Variants in HERC1 observed in about 807,000 individuals in gnomAD.
HERC1 encodes the protein HECT and RLD domain containing E3 ubiquitin protein ligase family member 1.
In HERC1, 160 loss-of-function variants were observed where a neutral mutation model predicts 554.3. The ratio of observed to expected loss-of-function variants is 0.29; its 90% confidence interval spans 0.25 to 0.33. The LOEUF (loss-of-function observed/expected upper bound fraction) is 0.33, where lower values mean the gene tolerates loss of function less well. Among genes scored for constraint, HERC1 ranks in the 10% least tolerant of loss-of-function variants. The pLI is 1.00. For synonymous variants in HERC1, 2,175 were observed against 2,131.7 expected, an observed-to-expected ratio of 1.02 and a Z score of -0.56; for missense variants, 4,919 against 5,918.5, an observed-to-expected ratio of 0.83 and a Z score of 5.54.
chr15:63,750,682 A>G, intron 8 of HERC1, among the ~76,000 whole-genome samples: 1 of 152,242 alleles, frequency 6.6e-6, no homozygotes, highest in East Asian at 1.9e-4. Context: ...CTGTAATCCC[A>G]GCACGTTGGG....
At chr15:63,708,092 G>A (rs1328511117) in intron 24 of HERC1, among the ~76,000 whole-genome samples, 2 of 151,948 alleles carry the variant, frequency 1.3e-5, no homozygotes, top group Admixed American at 6.6e-5. Context: ...ACAGAAATAA[G>A]TATTATATAT....
At chr15:63,642,846 T>C (rs1258744082) in intron 59 of HERC1, 111 bp downstream of exon 59, 2 of 689,284 alleles carry the variant, frequency 2.9e-6, no homozygotes, top group Non-Finnish European at 5.3e-6. Context: ...GGACAAGTAG[T>C]AATCCCTCTG....
chr15:63,775,263 A>G lies in HERC1; in HGVS notation c.361T>C (p.Tyr121His). 1 of 1,614,020 alleles carries G rather than the reference A, an allele frequency of 6.2e-7. No individual in the cohort carries two copies. Among genetic ancestry groups the G allele is most frequent in the South Asian group, 1.1e-5 (1 of 91,080 alleles). Residue 121 changes from tyrosine (Y) to histidine (H), a missense_variant, in exon 2 of 78, where the codon TAC becomes CAC. Coordinates refer to ENST00000443617, the MANE Select transcript of HERC1 (RefSeq NM_003922.4). The surrounding 1 kb of genome is among the most constrained non-coding windows in gnomAD (Gnocchi z 4.0). ...QRVFYALSNK[Y>H]HDKGKVKQQQ... ...TGCTTCACCTTGCCTTTGTCATGGT[A>G]TTTATTAGAAAGTGCATAAAAGACA...
Position 63,623,025 on chromosome 15 carries a change from T to C in HERC1, c.13612-134A>G, listed in dbSNP as rs148367628. The C allele has an allele frequency of 3.0e-3, 1,789 of 605,166 alleles. 23 individuals are homozygous for C. The highest frequency in any genetic ancestry group is 0.028 in the African/African-American group (1,488 of 52,902). 37.5% of individuals were successfully genotyped at this position (605,166 alleles called of 1,614,324 possible). A position where few individuals can be genotyped will look rare whatever the true frequency, so the allele number is the denominator to read the frequency against. ...TGCCATGTGACAACCAACAATTTCA[T>C]ACTTTATTTTTGTGGTTTCAATTTA... On this transcript the variant is annotated intron_variant, in intron 73 of 77. Coordinates refer to ENST00000443617, the MANE Select transcript of HERC1 (RefSeq NM_003922.4).
At chr15:63,673,165 C>T (rs1398963707) in intron 38 of HERC1, among the ~76,000 whole-genome samples, 1 of 152,042 alleles carries the variant, frequency 6.6e-6, no homozygotes, top group Non-Finnish European at 1.5e-5. Context: ...AGGACAATTT[C>T]ATTAAAAAAC....
chr15:63,831,886 T>C lies in HERC1; in HGVS notation c.-27+1941A>G, dbSNP rs75651205. Among the ~76,000 whole-genome samples, 26 of 152,306 alleles carry C rather than the reference T, an allele frequency of 1.7e-4. No homozygotes were observed. In the East Asian group the frequency reaches 5.0e-3, roughly 29 times the overall value. On this transcript the variant is annotated intron_variant, in intron 1 of 77. Coordinates refer to ENST00000443617, the MANE Select transcript of HERC1 (RefSeq NM_003922.4). ...CTTTCTCTTCCATGCAACATCAGGGTGCCTGCATTGGAAATGGAATACATG... is the reference window on the plus strand; with the variant it reads ...CTTTCTCTTCCATGCAACATCAGGGCGCCTGCATTGGAAATGGAATACATG...
chr15:63,828,667 A>G (rs567190005), intron 1 of HERC1, among the ~76,000 whole-genome samples: 14 of 152,294 alleles, frequency 9.2e-5, no homozygotes, highest in Admixed American at 2.6e-4. Flanking sequence ...AGTAGTGTTT[A>G]GTAGAAGCAG....
intron 1 of HERC1, among the ~76,000 whole-genome samples, chr15:63,821,702 G>A (rs2077701485): frequency 7.1e-6 from 1 of 141,380 alleles, no homozygotes; most frequent in Admixed American, 7.3e-5. Context: ...ACTCCAGCCT[G>A]GGAGACAGAG....
At chr15:63,744,164 G>GTGTGTGTGTGTGTGTCTC in intron 12 of HERC1, among the ~76,000 whole-genome samples, 100 of 46,260 alleles carry the variant, frequency 2.2e-3, no homozygotes, top group East Asian at 4.5e-3. Flanking sequence ...GTGTGTGTGT[G>GTGTGTGTGTGTGTGTCTC]TCTCTCTCTC....
intron 14 of HERC1, among the ~76,000 whole-genome samples, chr15:63,732,099 C>G (rs1461933661): frequency 6.6e-6 from 1 of 152,056 alleles, no homozygotes; most frequent in East Asian, 1.9e-4. Flanking sequence ...CTCCCTGGTT[C>G]AAGCAACTCT....
chr15:63,822,352 G>A (rs549490102), intron 1 of HERC1, among the ~76,000 whole-genome samples: 16 of 152,272 alleles, frequency 1.1e-4, no homozygotes, highest in Non-Finnish European at 2.2e-4. Flanking sequence ...TTGGGAAGCC[G>A]AGGCGGGCAG....
At position 63,616,351 on chromosome 15, in the gene HERC1, T is replaced by C. The variant is rs1185378914; in HGVS notation, c.13941+79A>G. On this transcript the variant is annotated intron_variant, in intron 75 of 77. Coordinates refer to ENST00000443617, the MANE Select transcript of HERC1 (RefSeq NM_003922.4). ...CAGACAGCAAGTGGAAGACTGTATC[T>C]CAATTTTACACAGAAAAATTCTAGT... 3.5e-6 allele frequency: 5 copies of C among 1,446,220 alleles called. No homozygotes were observed. In the African/African-American group the frequency reaches 4.2e-5, roughly 12 times the overall value. 89.6% of individuals were successfully genotyped at this position (1,446,220 alleles called of 1,614,324 possible).
intron 1 of HERC1, among the ~76,000 whole-genome samples, chr15:63,828,815 G>T (rs76276503): frequency 6.6e-6 from 1 of 152,158 alleles, no homozygotes; most frequent in Non-Finnish European, 1.5e-5. Flanking sequence ...TTAAACTAAA[G>T]GGAGTGGTAA....
chr15:63,695,368 T>C (rs1201638026), intron 27 of HERC1, among the ~76,000 whole-genome samples: 1 of 150,444 alleles, frequency 6.6e-6, no homozygotes, highest in Non-Finnish European at 1.5e-5. Flanking sequence ...TTGATAATTG[T>C]TGAGTCTGTA....
In HERC1 at chr15:63,734,490, A is replaced by C. The variant is rs902572058; in HGVS notation, c.2646+234T>G. Among the ~76,000 whole-genome samples, 6 of 152,154 alleles carry C rather than the reference A, an allele frequency of 3.9e-5. No homozygotes were observed. The East Asian group carries it at 1.2e-3, about 29-fold the overall frequency. ...ACAGAGTGTCTGGCTTAGTACCATA[A>C]GAAACACTGGAAAAATTAGTCCTTA... On this transcript the variant is annotated intron_variant, in intron 13 of 77. Coordinates refer to ENST00000443617, the MANE Select transcript of HERC1 (RefSeq NM_003922.4). The surrounding 1 kb of genome is among the most constrained non-coding windows in gnomAD (Gnocchi z 4.6).
intron 1 of HERC1, among the ~76,000 whole-genome samples, chr15:63,792,306 CT>C (rs1007705858): frequency 6.6e-6 from 1 of 152,196 alleles, no homozygotes; most frequent in African/African-American, 2.4e-5. Flanking sequence ...GTCCTTTCCA[CT>C]TCTAAAATAA....
intron 63 of HERC1, 131 bp from the exon 64 acceptor site, chr15:63,637,774 G>A: frequency 3.5e-6 from 2 of 578,344 alleles, no homozygotes; most frequent in Non-Finnish European, 5.7e-6. Flanking sequence ...AAAGGGAAGA[G>A]TTGATATAAC....
At chr15:63,799,900 G>A (rs1308478799) in intron 1 of HERC1, among the ~76,000 whole-genome samples, 1 of 152,146 alleles carries the variant, frequency 6.6e-6, no homozygotes, top group Admixed American at 6.5e-5. Context: ...ATTTTGGGAG[G>A]ATCACTTGAG....
At chr15:63,654,728 G>A (rs2069918327) in intron 50 of HERC1, among the ~76,000 whole-genome samples, 1 of 151,614 alleles carries the variant, frequency 6.6e-6, no homozygotes, top group African/African-American at 2.4e-5. Context: ...CCACACCATG[G>A]TATGGTGGCA....
Sources: allele counts gnomAD v4.1 joint callset (sites outside exome capture counted in the v4.1 genomes callset), GRCh38; gene constraint gnomAD v4.1.1; non-coding constraint Gnocchi (gnomAD v3.1); transcripts MANE v1.5; gene names NCBI Gene and HGNC (gene_info 2026-07-23, HGNC 2026-07-21).